Variants in KDM3A observed in about 807,000 individuals in gnomAD.
KDM3A encodes lysine-specific demethylase 3A.
KDM3A carries 60 observed loss-of-function variants against 158.0 expected under a neutral mutation model. The observed-to-expected ratio is 0.38, with a 90% confidence interval of 0.31 to 0.47. The LOEUF is 0.47. KDM3A is among the 20% of genes least tolerant of loss of function. The pLI, the probability that KDM3A is intolerant of heterozygous loss-of-function variation, is 0.99. For missense variants in KDM3A, 1,319 were observed against 1,574.3 expected (o/e 0.84, Z 2.74); for synonymous variants, 608 against 549.3 (o/e 1.11, Z -1.49).
intron 21 of KDM3A, chr2:86,488,251 G>A (rs569459649): frequency 6.6e-6 from 1 of 151,770 alleles, no homozygotes; most frequent in Non-Finnish European, 1.5e-5. Context: ...TTTTACTATG[G>A]AACTATTTTT....
In KDM3A at chr2:86,478,178, T is replaced by C. The variant is rs1673751715; in HGVS notation, c.2101T>C (p.Tyr701His). Residue 701 changes from tyrosine (Y) to histidine (H), a missense_variant, in exon 14 of 26, where the codon TAC becomes CAC. Physicochemically the swap from Tyr to His is moderately conservative, Grantham distance 83 (BLOSUM62 2). Transcript: ENST00000312912. ...AAATCAGTTATTTGCAGGTGCTGCT[T>C]ACAAGACTTTCTCTTGGCTAAAATG... ...KRKNCQQGAA[Y>H]KTFSWLKCVK... 1.2e-6 allele frequency: 2 copies of C among 1,613,982 alleles called. No homozygotes were observed. The highest frequency in any genetic ancestry group is 8.5e-7 in the Non-Finnish European group (1 of 1,179,808).
intron 25 of KDM3A, chr2:86,491,576 G>A (rs1463493609): frequency 7.5e-6 from 3 of 398,466 alleles, no homozygotes; most frequent in Admixed American, 7.6e-5. Flanking sequence ...TGCCTGTCGG[G>A]GTCTTGAACA....
intron 18 of KDM3A, chr2:86,483,299 T>C (rs1674029265): frequency 6.6e-6 from 1 of 152,476 alleles, no homozygotes. Flanking sequence ...AACACTCTGC[T>C]CTTGGACAAG....
intron 3 of KDM3A, 83 bp from the exon 4 acceptor site, chr2:86,451,016 TTCTC>T (rs1672437265): frequency 1.2e-6 from 1 of 801,440 alleles, no homozygotes; most frequent in African/African-American, 1.7e-5. Flanking sequence ...CTTTATCACT[TTCTC>T]TGTGTGTGGA....
intron 12 of KDM3A, among the ~76,000 whole-genome samples, chr2:86,476,078 A>C (rs1343330751): frequency 2.0e-5 from 3 of 152,174 alleles, no homozygotes; most frequent in South Asian, 2.1e-4. Context: ...CAAGAGTCTT[A>C]TTATACTTTT....
intron 1 of KDM3A, among the ~76,000 whole-genome samples, 179 bp from the exon 2 acceptor site, chr2:86,441,839 G>A (rs1221655679): frequency 1.3e-5 from 2 of 149,436 alleles, no homozygotes; most frequent in African/African-American, 4.9e-5. Context: ...TGGGGCCCGG[G>A]TGTGTGGCGG....
chr2:86,471,726 T>G (rs573698447), intron 11 of KDM3A, among the ~76,000 whole-genome samples: 2 of 152,356 alleles, frequency 1.3e-5, no homozygotes, highest in South Asian at 4.1e-4. Context: ...GTAAGAGTTT[T>G]TTAGGTACTA....
rs781645903 is a variant in KDM3A, at chr2:86,474,807, G to C, written c.1756G>C (p.Val586Leu). The change falls in exon 12 of 26, where the codon GTA becomes CTA. Residue 586 changes from valine to leucine, a missense_variant. Around this residue, in one of 4 missense-constraint regions of KDM3A, gnomAD observed 113 missense variants for 190.5 expected, o/e 0.59. Transcript: ENST00000312912. The part of the protein sequence containing the change: ...LQFNKHGVLR[V>L]EGFLTPNKYD... ...ATTCAACAAACATGGTGTGTTGCGG[G>C]TAGAAGGCTTCTTAACACCAAACAA... The C allele has an allele frequency of 6.2e-7, 1 of 1,606,506 alleles. No individual in the cohort carries two copies. Among genetic ancestry groups the C allele is most frequent in the Admixed American group, 1.7e-5 (1 of 59,730 alleles).
At chr2:86,448,057 A>AT (rs1296913895) in intron 2 of KDM3A, among the ~76,000 whole-genome samples, 2 of 152,232 alleles carry the variant, frequency 1.3e-5, no homozygotes, top group African/African-American at 4.8e-5. Flanking sequence ...AGTGATAGAA[A>AT]ACATATAACC....
rs796889713 is a variant in KDM3A, at chr2:86,455,974, G to A, written c.557-468G>A. On this transcript the variant is annotated intron_variant, in intron 5 of 25. Coordinates refer to ENST00000312912, the MANE Select transcript of KDM3A (RefSeq NM_018433.6). ...GTCTCAAAAAAAAAAAAAAAAAAAA[G>A]AAAAGAAAAAAGATATTTTTAAAGC... Among the ~76,000 whole-genome samples, 1,188 of 136,950 alleles carry A rather than the reference G, an allele frequency of 8.7e-3. 13 individuals are homozygous for A. The highest frequency in any genetic ancestry group is 0.045 in the South Asian group (190 of 4,234). The allele number at this position is 136,950 out of a possible 152,430, so 89.8% of individuals were successfully genotyped here. A position where few individuals can be genotyped will look rare whatever the true frequency, so the allele number is the denominator to read the frequency against.
At chr2:86,459,138 T>A in intron 8 of KDM3A, among the ~76,000 whole-genome samples, 1 of 152,098 alleles carries the variant, frequency 6.6e-6, no homozygotes, top group Non-Finnish European at 1.5e-5. Flanking sequence ...GTCAGGCAAT[T>A]ATTTATGATA....
chr2:86,483,882 C>A, intron 18 of KDM3A, 105 bp from the exon 19 acceptor site: 1 of 913,022 alleles, frequency 1.1e-6, no homozygotes, highest in Non-Finnish European at 1.7e-6. Flanking sequence ...GACGGAGCAC[C>A]AGCTCCATGG....
At chr2:86,491,384 C>T (rs1674449061) in intron 25 of KDM3A, 109 bp downstream of exon 25, 1 of 1,101,670 alleles carries the variant, frequency 9.1e-7, no homozygotes, top group African/African-American at 1.6e-5. Context: ...GTACTTAGTA[C>T]ACAGTGAGTC....
intron 5 of KDM3A, 92 bp from the exon 6 acceptor site, chr2:86,456,350 A>T: frequency 1.0e-6 from 1 of 963,250 alleles, no homozygotes; most frequent in South Asian, 2.0e-5. Flanking sequence ...GTTTTTTTAA[A>T]AAAGACTTAG....
At chr2:86,438,738 CT>C (rs908992137), upstream of KDM3A, among the ~76,000 whole-genome samples, 11 of 152,010 alleles carry the variant, frequency 7.2e-5, no homozygotes, top group Admixed American at 3.3e-4. Flanking sequence ...TGTGCACCCC[CT>C]AATACCAGTA....
In KDM3A at chr2:86,474,900, A is replaced by G. The variant is rs1169536946; in HGVS notation, c.1849A>G (p.Thr617Ala). 6.2e-7 allele frequency: 1 copy of G among 1,614,094 alleles called. No individual in the cohort carries two copies. The highest frequency in any genetic ancestry group is 1.7e-5 in the Admixed American group (1 of 60,018). ...TKNVVGIDLDTAKYILANIGD... is the reference protein window; with the variant it reads ...TKNVVGIDLDAAKYILANIGD... Reference sequence around the variant, plus strand: ...AAACGTTGTGGGGATTGATTTGGACACAGCAAAGTACATCTTGGCCAACAT... The same window carrying G: ...AAACGTTGTGGGGATTGATTTGGACGCAGCAAAGTACATCTTGGCCAACAT... The change falls in exon 12 of 26, where the codon ACA (threonine) becomes GCA (alanine). Residue 617 changes from threonine to alanine, a missense_variant. Transcript: ENST00000312912.
chr2:86,456,753 T>C (rs941263222), intron 6 of KDM3A, 52 bp from the exon 7 acceptor site: 6 of 1,456,192 alleles, frequency 4.1e-6, no homozygotes, highest in East Asian at 2.3e-5. Context: ...ATTTTCAGTA[T>C]GTTCTTGAGC....
At position 86,462,584 on chromosome 2, in the gene KDM3A, C is replaced by G. The variant is rs539652552; in HGVS notation, c.844-1469C>G. ...GGAGAACATTAAGGTACTATTTAAC[C>G]AAAATTGAGTTGACTGAAATAGTGT... On this transcript the variant is annotated intron_variant, in intron 8 of 25. Coordinates refer to ENST00000312912, the MANE Select transcript of KDM3A (RefSeq NM_018433.6). Among the ~76,000 whole-genome samples the G allele has an allele frequency of 3.9e-5, 6 of 152,178 alleles. No individual in the cohort carries two copies. In the South Asian group the frequency reaches 1.2e-3, roughly 32 times the overall value.
At chr2:86,476,268 A>G (rs777600832) in intron 12 of KDM3A, among the ~76,000 whole-genome samples, 1 of 152,224 alleles carries the variant, frequency 6.6e-6, no homozygotes, top group African/African-American at 2.4e-5. Context: ...GGAATGTATT[A>G]GTGGCTTTGC....
Sources: gnomAD v4.1 joint callset for allele counts (sites outside exome capture counted in the v4.1 genomes callset) on GRCh38, gnomAD v4.1.1 for gene constraint, gnomAD v4.1.1 regional missense constraint, MANE v1.5 for transcripts, NCBI Gene and HGNC (gene_info 2026-07-23, HGNC 2026-07-21) for gene names.